The following GATM variants were observed in gnomAD, a reference collection of about 807,000 sequenced individuals.
GATM encodes glycine amidinotransferase, mitochondrial.
In GATM, 23 loss-of-function variants were observed where a neutral mutation model predicts 54.2. The ratio of observed to expected loss-of-function variants is 0.42; its 90% CI spans 0.31 to 0.60. The LOEUF is 0.60. Ranked by LOEUF, GATM falls within the 20% of genes least tolerant of loss-of-function variation. GATM has a pLI of 0.14. For synonymous variants in GATM, 168 were observed against 183.1 expected, an observed-to-expected ratio of 0.92 and a Z score of 0.67; for missense variants, 401 against 544.9, an observed-to-expected ratio of 0.74 and a Z score of 2.63.
intron 2 of GATM, among the ~76,000 whole-genome samples, chr15:45,370,401 GAAAAAGA>G (rs1168102826): frequency 2.8e-4 from 37 of 130,366 alleles, no homozygotes; most frequent in African/African-American, 9.4e-4. Flanking sequence ...AAAAGAAAAA[GAAAAAGA>G]AAAAAAAAAA....
intron 2 of GATM, among the ~76,000 whole-genome samples, chr15:45,374,872 A>G (rs1889603267): frequency 6.6e-6 from 1 of 152,218 alleles, no homozygotes; most frequent in Non-Finnish European, 1.5e-5. Flanking sequence ...TTTACAAATA[A>G]AAGTGTAAAT....
At chr15:45,381,630 A>G (rs1889742104), upstream of GATM, among the ~76,000 whole-genome samples, 2 of 152,232 alleles carry the variant, frequency 1.3e-5, no homozygotes, top group Non-Finnish European at 2.9e-5. Context: ...GAACTTAAGA[A>G]TACAGATACT....
chr15:45,365,933 C>A (rs1889441296), intron 6 of GATM, 113 bp downstream of exon 6: 4 of 986,496 alleles, frequency 4.1e-6, no homozygotes, highest in Non-Finnish European at 6.5e-6. Flanking sequence ...TTGAGTACTG[C>A]TGAATCTGTC....
intron 2 of GATM, among the ~76,000 whole-genome samples, chr15:45,397,709 T>C (rs1201816826): frequency 6.6e-6 from 1 of 152,218 alleles, no homozygotes; most frequent in Non-Finnish European, 1.5e-5. Context: ...AAGGGGGTCA[T>C]GGGAAGCCCA....
chr15:45,376,547 A>C, intron 2 of GATM, 54 bp downstream of exon 2: 3 of 1,446,012 alleles, frequency 2.1e-6, no homozygotes, highest in Non-Finnish European at 2.9e-6. Context: ...AGAGGGTAGC[A>C]GCAGCAGGTG....
Position 45,368,317 on chromosome 15 carries a change from A to G in GATM, c.485-57T>C, listed in dbSNP as rs958285176. The stretch of plus-strand genomic sequence containing the variant: ...AGTAGTGTTAATTTCCAAGACAAAA[A>G]AGGTCTATATAGGGCCAGGCACAGT... On this transcript the variant is annotated intron_variant, in intron 3 of 8. Transcript: ENST00000396659. This position sits in a 1 kb window ranked among gnomAD's most constrained non-coding sequence, Gnocchi z 5.1. The G allele has an allele frequency of 2.0e-6, 3 of 1,524,518 alleles. No homozygotes were observed. Among genetic ancestry groups the G allele is most frequent in the Middle Eastern group, 2.2e-4 (1 of 4,518 alleles). The allele number at this position is 1,524,518 out of a possible 1,614,324, so 94.4% of individuals were successfully genotyped here.
At position 45,400,385 on chromosome 15, in the gene GATM, T is replaced by C. The variant is rs1187426257; in HGVS notation, c.-529-790A>G. On this transcript the variant is annotated intron_variant, in intron 1 of 4. Transcript: ENST00000561148. The stretch of plus-strand genomic sequence containing the variant: ...TTTTACTGGATGATTGGGAAAGACA[T>C]TTATAGTTTTGCTCAGAGTGAGTGG... 2.6e-5 allele frequency among the ~76,000 whole-genome samples: 4 copies of C among 152,182 alleles called. No individual in the cohort carries two copies. In the East Asian group the frequency reaches 7.7e-4, roughly 29 times the overall value.
At chr15:45,380,599 G>A (rs896775764), upstream of GATM, 1 of 151,996 alleles carries the variant, frequency 6.6e-6, no homozygotes, top group South Asian at 2.1e-4. Flanking sequence ...CACATAACAA[G>A]CCCTTGAGAT....
At chr15:45,365,150 T>A (rs576872968) in intron 6 of GATM, among the ~76,000 whole-genome samples, 1 of 152,350 alleles carries the variant, frequency 6.6e-6, no homozygotes, top group African/African-American at 2.4e-5. Flanking sequence ...AAAGATACTG[T>A]CCTTAAGAAA....
At chr15:45,369,951 A>G (rs916289623) in intron 2 of GATM, among the ~76,000 whole-genome samples, 1 of 152,164 alleles carries the variant, frequency 6.6e-6, no homozygotes, top group Admixed American at 6.5e-5. Context: ...AGCCAAAACC[A>G]TGGGCTATCC....
chr15:45,385,695 G>C (rs1889796102), intron 3 of GATM, among the ~76,000 whole-genome samples: 1 of 152,174 alleles, frequency 6.6e-6, no homozygotes, highest in Admixed American at 6.5e-5. Flanking sequence ...CTGTCTCTCT[G>C]TATATAGTAA....
intron 1 of GATM, 68 bp downstream of exon 1, chr15:45,378,317 G>A (rs974737868): frequency 6.3e-6 from 8 of 1,278,436 alleles, no homozygotes; most frequent in African/African-American, 4.6e-5. Context: ...GAGCGAGCGA[G>A]TGCTCCACGC....
intron 7 of GATM, 123 bp from the exon 8 acceptor site, chr15:45,364,139 A>G (rs976263891): frequency 1.4e-6 from 1 of 732,982 alleles, no homozygotes; most frequent in Admixed American, 1.9e-5. Context: ...CCATGTGAAC[A>G]TTTATTTTAA....
At chr15:45,387,429 T>C (rs1472276317) in intron 3 of GATM, among the ~76,000 whole-genome samples, 1 of 152,196 alleles carries the variant, frequency 6.6e-6, no homozygotes, top group African/African-American at 2.4e-5. Context: ...CAAACAGTAC[T>C]ATTTCATGGT....
At chr15:45,373,031 A>G (rs1241117333) in intron 2 of GATM, among the ~76,000 whole-genome samples, 2 of 152,252 alleles carry the variant, frequency 1.3e-5, no homozygotes, top group Admixed American at 6.5e-5. Flanking sequence ...AAAACCCTTT[A>G]CAAAGGTTTG....
At chr15:45,398,116 G>C (rs542711755) in intron 2 of GATM, among the ~76,000 whole-genome samples, 1 of 152,144 alleles carries the variant, frequency 6.6e-6, no homozygotes, top group Non-Finnish European at 1.5e-5. Context: ...CTTCTTCAAT[G>C]TTTGACTTCC....
At chr15:45,394,998 T>C (rs1053873618) in intron 3 of GATM, among the ~76,000 whole-genome samples, 1 of 152,188 alleles carries the variant, frequency 6.6e-6, no homozygotes, top group Non-Finnish European at 1.5e-5. Flanking sequence ...ATCTTGTCCA[T>C]CAGTGAGAAA....
At chr15:45,391,223 G>A (rs1490153078) in intron 3 of GATM, among the ~76,000 whole-genome samples, 4 of 151,038 alleles carry the variant, frequency 2.6e-5, no homozygotes, top group South Asian at 2.1e-4. Context: ...TGGCCAACAC[G>A]GTGAAACCCC....
chr15:45,363,993 T>C lies in GATM; in HGVS notation c.1066A>G (p.Lys356Glu). 6.2e-7 allele frequency: 1 copy of C among 1,610,896 alleles called. No homozygotes were observed. Among genetic ancestry groups the C allele is most frequent in the South Asian group, 1.1e-5 (1 of 90,994 alleles). ...PDDHPLWMSS[K>E]WLSMNVLMLD... ...ATTAAGACATTCATGGAAAGCCATT[T>C]GGATGACATCCAGAGTGGATGATCT... The change falls in exon 8 of 9, where the codon AAA becomes GAA. Residue 356 changes from lysine (K) to glutamate (E), a missense_variant. Lys to Glu is a moderately conservative substitution (Grantham distance 56, BLOSUM62 1). Coordinates refer to ENST00000396659, the MANE Select transcript of GATM (RefSeq NM_001482.3).
Sources: allele counts gnomAD v4.1 joint callset (sites outside exome capture counted in the v4.1 genomes callset), GRCh38; gene constraint gnomAD v4.1.1; non-coding constraint Gnocchi (gnomAD v3.1); transcripts MANE v1.5; gene names NCBI Gene and HGNC (gene_info 2026-07-23, HGNC 2026-07-21).